Variants in FAM174B observed in about 807,000 individuals in gnomAD.
The protein encoded by FAM174B is family with sequence similarity 174 member B, also known as membrane protein FAM174B.
In FAM174B, 12 loss-of-function variants were observed where a neutral mutation model predicts 10.9. The ratio of observed to expected loss-of-function variants is 1.10; its 90% CI spans 0.71 to 1.79. The LOEUF is 1.79. Among genes scored for constraint, FAM174B ranks in the 40% most tolerant of loss-of-function variants. The probability of loss-of-function intolerance (pLI) is 0.00; values close to 1 mark genes in which losing one functional copy is unlikely to be tolerated. For missense variants in FAM174B, 266 were observed against 233.3 expected (o/e 1.14, Z -0.91); for synonymous variants, 132 against 115.8 (o/e 1.14, Z -0.90).
chr15:92,637,053 G>A (rs568810207), intron 1 of FAM174B, among the ~76,000 whole-genome samples: 1 of 152,320 alleles, frequency 6.6e-6, no homozygotes, highest in East Asian at 1.9e-4. Context: ...TGTGCCCTGG[G>A]TGAAGCCCCT....
At chr15:92,631,251 ATATAATATATT>A (rs2050803061) in intron 1 of FAM174B, among the ~76,000 whole-genome samples, 2 of 11,920 alleles carry the variant, frequency 1.7e-4, no homozygotes, top group African/African-American at 5.9e-4. Context: ...ATTATATTAT[ATATAATATATT>A]ATATATTATA....
chr15:92,632,416 G>GC (rs558296879), intron 1 of FAM174B, among the ~76,000 whole-genome samples: 211 of 152,322 alleles, frequency 1.4e-3, no homozygotes, highest in Non-Finnish European at 1.7e-3. Context: ...GGTGGCATGT[G>GC]CCTATAGTCC....
At position 92,631,207 on chromosome 15, in the gene FAM174B, TATTA is replaced by T. The variant is rs1240602717; in HGVS notation, c.345-866_345-863del. Among the ~76,000 whole-genome samples the T allele has an allele frequency of 2.2e-4, 6 of 27,070 alleles. 3 individuals carry two copies. The highest frequency in any genetic ancestry group is 3.5e-4 in the Non-Finnish European group (6 of 17,274). The allele number at this position is 27,070 out of a possible 152,430, so 17.8% of individuals were successfully genotyped here. A position where few individuals can be genotyped will look rare whatever the true frequency, so the allele number is the denominator to read the frequency against. ...TATTATATATTATATATATTACATA[TATTA>T]TATATTATATTATATATAATATATT... On this transcript the variant is annotated intron_variant, in intron 1 of 2. Coordinates refer to ENST00000327355, the MANE Select transcript of FAM174B (RefSeq NM_207446.3).
chr15:92,624,875 G>A (rs1036091247), intron 2 of FAM174B, among the ~76,000 whole-genome samples: 2 of 152,190 alleles, frequency 1.3e-5, no homozygotes, highest in Non-Finnish European at 2.9e-5. Context: ...CCACACACAC[G>A]GGAGGAAAAG....
chr15:92,635,120 G>C (rs1346552851), intron 1 of FAM174B, among the ~76,000 whole-genome samples: 3 of 146,770 alleles, frequency 2.0e-5, no homozygotes, highest in Non-Finnish European at 3.0e-5. Flanking sequence ...CTCTTTCTCT[G>C]TCTCTCTCTC....
At chr15:92,635,169 C>A (rs2453896) in intron 1 of FAM174B, among the ~76,000 whole-genome samples, 109 of 10,770 alleles carry the variant, frequency 0.01, no homozygotes, top group South Asian at 0.045. Flanking sequence ...CCACACACAC[C>A]CACACACACA....
In FAM174B at chr15:92,618,385, TCA is replaced by T. The variant is rs1171602091; in HGVS notation, c.*1069_*1070del. 1 of 152,388 alleles carries T rather than the reference TCA, an allele frequency of 6.6e-6. No individual in the cohort carries two copies. The highest frequency in any genetic ancestry group is 1.5e-5 in the Non-Finnish European group (1 of 68,178). 9.4% of individuals were successfully genotyped at this position (152,388 alleles called of 1,614,324 possible). ...GTCATGTCACAGGCAAGTCCTCACTTCACCAGCTCAGAGGTGAGCCACTCTCA... is the reference window on the plus strand; with the variant it reads ...GTCATGTCACAGGCAAGTCCTCACTTCCAGCTCAGAGGTGAGCCACTCTCA... On this transcript the variant is annotated 3_prime_UTR_variant, in exon 3 of 3. Coordinates refer to ENST00000327355, the MANE Select transcript of FAM174B (RefSeq NM_207446.3).
At chr15:92,631,431 TA>T (rs1300743222) in intron 1 of FAM174B, among the ~76,000 whole-genome samples, 1 of 44,878 alleles carries the variant, frequency 2.2e-5, no homozygotes, top group Non-Finnish European at 3.9e-5. Context: ...ATATATAATA[TA>T]ATATATTATA....
In FAM174B at chr15:92,655,594, G is replaced by C; in HGVS notation, c.66C>G (p.Pro22=). The part of the protein sequence containing the change: ...PLLLLALLAA[P]AARASRAESV... Reference sequence around the variant, plus strand: ...ACTCGGCTCTGCTGGCGCGGGCGGCGGGAGCGGCCAGGAGCGCGAGCAGCA... The same window carrying C: ...ACTCGGCTCTGCTGGCGCGGGCGGCCGGAGCGGCCAGGAGCGCGAGCAGCA... Residue 22 remains proline (P), a synonymous_variant, in exon 1 of 3, where the codon CCC becomes CCG. Transcript: ENST00000327355. 1.5e-6 allele frequency: 2 copies of C among 1,304,048 alleles called. No homozygotes were observed. The highest frequency in any genetic ancestry group is 9.7e-7 in the Non-Finnish European group (1 of 1,029,246). 80.8% of individuals were successfully genotyped at this position (1,304,048 alleles called of 1,614,324 possible).
intron 1 of FAM174B, among the ~76,000 whole-genome samples, chr15:92,652,658 T>A (rs1054032696): frequency 2.0e-5 from 3 of 152,120 alleles, no homozygotes; most frequent in African/African-American, 7.2e-5. Context: ...TTAACAGATA[T>A]TATTGCAATT....
At chr15:92,630,075 A>G in intron 2 of FAM174B, 139 bp downstream of exon 2, 1 of 687,508 alleles carries the variant, frequency 1.5e-6, no homozygotes, top group Non-Finnish European at 2.5e-6. Context: ...AGATCAGAGC[A>G]GGTCTCTCCA....
In FAM174B at chr15:92,631,302, AAT is replaced by A. The variant is rs2050806334; in HGVS notation, c.345-959_345-958del. Reference sequence around the variant, plus strand: ...ATATAATATATTATATATTATATATAATATATTATATATAATATTATATATAA... The same window carrying A: ...ATATAATATATTATATATTATATATAATATTATATATAATATTATATATAA... On this transcript the variant is annotated intron_variant, in intron 1 of 2. Coordinates refer to ENST00000327355, the MANE Select transcript of FAM174B (RefSeq NM_207446.3). Among the ~76,000 whole-genome samples the A allele has an allele frequency of 5.1e-3, 8 of 1,572 alleles. 1 individual carries two copies. Among genetic ancestry groups the A allele is most frequent in the African/African-American group, 9.0e-3 (8 of 884 alleles). 1.0% of individuals were successfully genotyped at this position (1,572 alleles called of 152,430 possible).
In FAM174B at chr15:92,655,543, G is replaced by C. The variant is rs1423071979; in HGVS notation, c.117C>G (p.Pro39=). The change falls in exon 1 of 3, where the codon CCC becomes CCG. Residue 39 remains proline (P), a synonymous_variant. Transcript: ENST00000327355. ...AESVSAPWPE[P]ERESRPPPGP... is the part of the protein sequence containing the mutation. ...CGGGCGGTGGCCGCGACTCGCGCTC[G>C]GGTTCGGGCCACGGCGCGGAGACGG... The C allele has an allele frequency of 9.1e-6, 13 of 1,425,590 alleles. No homozygotes were observed. In the South Asian group the frequency reaches 1.7e-4, roughly 18 times the overall value. 88.3% of individuals were successfully genotyped at this position (1,425,590 alleles called of 1,614,324 possible).
intron 1 of FAM174B, among the ~76,000 whole-genome samples, chr15:92,652,342 C>A (rs900052046): frequency 6.6e-6 from 1 of 152,174 alleles, no homozygotes; most frequent in East Asian, 1.9e-4. Context: ...GAACTGACCA[C>A]GCAGTCTTAG....
chr15:92,622,565 C>T (rs913274775), intron 2 of FAM174B, among the ~76,000 whole-genome samples: 1 of 152,254 alleles, frequency 6.6e-6, no homozygotes, highest in Admixed American at 6.5e-5. Context: ...TTCCCTGTGG[C>T]CATCTATTGG....
At chr15:92,642,849 G>A (rs868258790) in intron 1 of FAM174B, among the ~76,000 whole-genome samples, 30 of 152,068 alleles carry the variant, frequency 2.0e-4, no homozygotes, top group South Asian at 6.2e-4. Flanking sequence ...GGAACATAAC[G>A]GCAATAAAAA....
At chr15:92,634,332 CGT>C (rs1176106033) in intron 1 of FAM174B, 1 of 152,208 alleles carries the variant, frequency 6.6e-6, no homozygotes. Flanking sequence ...CTTGATGCCT[CGT>C]GTAGTCATTG....
intron 1 of FAM174B, among the ~76,000 whole-genome samples, chr15:92,631,723 C>T (rs1283641519): frequency 6.6e-6 from 1 of 151,120 alleles, no homozygotes; most frequent in Admixed American, 6.7e-5. Flanking sequence ...GTCTCGATCT[C>T]CTGACCTCGT....
chr15:92,643,256 C>G (rs2050903444), intron 1 of FAM174B, among the ~76,000 whole-genome samples: 1 of 151,578 alleles, frequency 6.6e-6, no homozygotes, highest in East Asian at 1.9e-4. Flanking sequence ...CATGAGCCAC[C>G]ATGCCTGGCT....
Sources: gnomAD v4.1 joint callset for allele counts (sites outside exome capture counted in the v4.1 genomes callset) on GRCh38, gnomAD v4.1.1 for gene constraint, MANE v1.5 for transcripts, NCBI Gene and HGNC (gene_info 2026-07-23, HGNC 2026-07-21) for gene names.